Variants in MED13L observed in about 807,000 individuals in gnomAD.
MED13L encodes the protein mediator complex subunit 13L.
In MED13L, 7 loss-of-function variants were observed where a neutral mutation model predicts 220.9. That is an observed-to-expected ratio of 0.03 (90% CI 0.02 to 0.06). The LOEUF (loss-of-function observed/expected upper bound fraction) is 0.06, where lower values mean the gene tolerates loss of function less well. MED13L is among the 10% of genes least tolerant of loss of function. The pLI, the probability that MED13L is intolerant of heterozygous loss-of-function variation, is 1.00. For missense variants in MED13L, 1,965 were observed against 2,760.5 expected (o/e 0.71, Z 6.46); for synonymous variants, 1,011 against 1,015.2 (o/e 1.00, Z 0.08).
intron 2 of MED13L, among the ~76,000 whole-genome samples, chr12:116,230,710 A>C (rs1019710207): frequency 2.6e-5 from 4 of 152,134 alleles, no homozygotes; most frequent in African/African-American, 9.7e-5. Flanking sequence ...ACAAGAGATA[A>C]TCTTATTCCT....
At chr12:116,090,962 T>C (rs1303437181) in intron 4 of MED13L, among the ~76,000 whole-genome samples, 3 of 151,786 alleles carry the variant, frequency 2.0e-5, no homozygotes, top group Non-Finnish European at 4.4e-5. Context: ...CCGTCTCTAC[T>C]AAAAATACAA....
At chr12:116,163,828 C>T (rs780902949) in intron 2 of MED13L, among the ~76,000 whole-genome samples, 8 of 152,064 alleles carry the variant, frequency 5.3e-5, no homozygotes, top group Non-Finnish European at 1.0e-4. Context: ...AAGCCAATCT[C>T]CCAGTAATAT....
At chr12:116,097,107 A>T (rs1471782310) in intron 3 of MED13L, among the ~76,000 whole-genome samples, 1 of 152,156 alleles carries the variant, frequency 6.6e-6, no homozygotes, top group East Asian at 1.9e-4. Context: ...GCATTTCTTA[A>T]GAGAACTTCA....
chr12:116,145,227 C>A (rs1392733211), intron 2 of MED13L, among the ~76,000 whole-genome samples: 1 of 152,196 alleles, frequency 6.6e-6, no homozygotes, highest in African/African-American at 2.4e-5. Context: ...AGATGGAAAT[C>A]CTTAACAAGG....
intron 7 of MED13L, among the ~76,000 whole-genome samples, chr12:116,018,748 A>G (rs1194291555): frequency 6.6e-6 from 1 of 152,186 alleles, no homozygotes; most frequent in Non-Finnish European, 1.5e-5. Flanking sequence ...CTGACAGAGA[A>G]AAGTATTTAT....
intron 2 of MED13L, among the ~76,000 whole-genome samples, chr12:116,177,993 C>T (rs1880200710): frequency 6.6e-6 from 1 of 152,060 alleles, no homozygotes; most frequent in African/African-American, 2.4e-5. Context: ...GTAGCTGGGA[C>T]TATAGGTGCA....
intron 8 of MED13L, among the ~76,000 whole-genome samples, chr12:116,013,945 A>G (rs1879574050): frequency 6.6e-6 from 1 of 152,214 alleles, no homozygotes; most frequent in South Asian, 2.1e-4. Context: ...ATCAAACATG[A>G]TAAGTGAAAG....
chr12:116,132,049 C>T (rs968067440), intron 2 of MED13L, among the ~76,000 whole-genome samples: 1 of 151,948 alleles, frequency 6.6e-6, no homozygotes, highest in Non-Finnish European at 1.5e-5. Flanking sequence ...GAGGCCAAGG[C>T]GGGCGGATCA....
chr12:116,066,133 G>T (rs1869906521), intron 4 of MED13L, among the ~76,000 whole-genome samples: 1 of 152,160 alleles, frequency 6.6e-6, no homozygotes. Flanking sequence ...ACACACGTGT[G>T]CACACACAGA....
At chr12:116,249,399 AAAGG>A (rs1308660661) in intron 1 of MED13L, among the ~76,000 whole-genome samples, 2 of 152,194 alleles carry the variant, frequency 1.3e-5, no homozygotes, top group African/African-American at 4.8e-5. Flanking sequence ...TCAACTCTTT[AAAGG>A]AAGGAAATAA....
chr12:116,260,176 G>C (rs959063784), intron 1 of MED13L, among the ~76,000 whole-genome samples: 1 of 152,160 alleles, frequency 6.6e-6, no homozygotes, highest in African/African-American at 2.4e-5. Flanking sequence ...CTGCGGGAAA[G>C]CCAACTCTTT....
intron 2 of MED13L, among the ~76,000 whole-genome samples, chr12:116,114,928 A>G (rs1776989706): frequency 6.6e-6 from 1 of 152,190 alleles, no homozygotes; most frequent in African/African-American, 2.4e-5. Flanking sequence ...TAACAAACGA[A>G]ATAAAAAAGA....
At chr12:116,040,842 C>CA (rs1279839389) in intron 4 of MED13L, among the ~76,000 whole-genome samples, 6 of 150,752 alleles carry the variant, frequency 4.0e-5, no homozygotes, top group Non-Finnish European at 8.8e-5. Context: ...TAACAGGAGG[C>CA]AACTACATGT....
intron 1 of MED13L, among the ~76,000 whole-genome samples, chr12:116,258,681 G>A (rs1872251823): frequency 6.6e-6 from 1 of 151,632 alleles, no homozygotes; most frequent in Non-Finnish European, 1.5e-5. Context: ...GGAGGCTGAG[G>A]CGGGAGAATC....
chr12:116,123,279 T>C (rs1007394772), intron 2 of MED13L, among the ~76,000 whole-genome samples: 8 of 152,146 alleles, frequency 5.3e-5, no homozygotes, highest in African/African-American at 1.9e-4. Context: ...GGATCCTATA[T>C]TAAACAAGGC....
chr12:115,975,906 C>T (rs1207565821), intron 23 of MED13L, among the ~76,000 whole-genome samples, 168 bp from the exon 24 acceptor site: 1 of 152,034 alleles, frequency 6.6e-6, no homozygotes, highest in East Asian at 1.9e-4. Context: ...GGACACATAA[C>T]AAAATGATTG....
intron 4 of MED13L, among the ~76,000 whole-genome samples, chr12:116,058,560 C>G (rs898116762): frequency 1.3e-5 from 2 of 152,080 alleles, no homozygotes; most frequent in African/African-American, 4.8e-5. Flanking sequence ...GGAAAATAAA[C>G]AAATCTATGA....
chr12:116,085,720 T>C (rs1871606074), intron 4 of MED13L, among the ~76,000 whole-genome samples: 1 of 135,512 alleles, frequency 7.4e-6, no homozygotes, highest in Non-Finnish European at 1.6e-5. Context: ...GACTAAATTC[T>C]CATCTTCTAA....
chr12:116,276,711 G>C (rs1188266899), intron 1 of MED13L: 3 of 944,170 alleles, frequency 3.2e-6, no homozygotes, highest in Non-Finnish European at 4.1e-6. Context: ...CCACATTTAC[G>C]GGGGGAAAAA....
Sources: gnomAD v4.1 joint callset for allele counts (sites outside exome capture counted in the v4.1 genomes callset) on GRCh38, gnomAD v4.1.1 for gene constraint, MANE v1.5 for transcripts, NCBI Gene and HGNC (gene_info 2026-07-23, HGNC 2026-07-21) for gene names.